Variants in TUB observed in about 807,000 individuals in gnomAD.
TUB encodes TUB bipartite transcription factor.
In TUB, 33 loss-of-function variants were observed where a neutral mutation model predicts 59.7. That is an observed-to-expected ratio of 0.55 (90% confidence interval 0.42 to 0.74). The LOEUF is 0.74. Ranked by LOEUF, TUB falls within the 30% of genes least tolerant of loss-of-function variation. The pLI, the probability that TUB is intolerant of heterozygous loss-of-function variation, is 0.00. For missense variants in TUB, 659 were observed against 672.0 expected (o/e 0.98, Z 0.21); for synonymous variants, 293 against 256.4 (o/e 1.14, Z -1.36).
intron 3 of TUB, among the ~76,000 whole-genome samples, chr11:8,091,455 A>T (rs1943774153): frequency 6.6e-6 from 1 of 152,182 alleles, no homozygotes; most frequent in South Asian, 2.1e-4. Context: ...TCCTCACAGG[A>T]ACTCATTATC....
In TUB at chr11:8,101,858, C is replaced by A; in HGVS notation, c.*239C>A. 3.5e-5 allele frequency: 17 copies of A among 479,162 alleles called. No homozygotes were observed. Among genetic ancestry groups the A allele is most frequent in the South Asian group, 1.1e-4 (3 of 26,984 alleles). The allele number at this position is 479,162 out of a possible 1,614,324, so 29.7% of individuals were successfully genotyped here. A position where few individuals can be genotyped will look rare whatever the true frequency, so the allele number is the denominator to read the frequency against. On this transcript the variant is annotated 3_prime_UTR_variant, in exon 12 of 12. Transcript: ENST00000299506. Reference sequence around the variant, plus strand: ...GGGATGAGAATAATTCTTTCCATGCCACGAGATCAACACACACTCCCACCC... The same window carrying A: ...GGGATGAGAATAATTCTTTCCATGCAACGAGATCAACACACACTCCCACCC...
chr11:8,049,578 TATAG>T (rs1554923442), intron 2 of TUB, among the ~76,000 whole-genome samples: 3,320 of 85,806 alleles, frequency 0.039, 96 homozygotes, highest in South Asian at 0.077. Context: ...TATATATATA[TATAG>T]ATAGATAGAT....
chr11:8,098,654 C>G (rs988671351), intron 8 of TUB, 104 bp from the exon 9 acceptor site: 25 of 826,050 alleles, frequency 3.0e-5, no homozygotes, highest in Non-Finnish European at 5.0e-5. Flanking sequence ...GCTCCTGTTC[C>G]AGCCCAGAAT....
chr11:8,073,533 CTT>C (rs1458776349), intron 2 of TUB, among the ~76,000 whole-genome samples: 4 of 152,322 alleles, frequency 2.6e-5, no homozygotes, highest in Non-Finnish European at 5.9e-5. Context: ...GGAAATGGCT[CTT>C]GTTTGACAAA....
At chr11:8,057,278 G>A (rs1299532109) in intron 2 of TUB, among the ~76,000 whole-genome samples, 4 of 152,166 alleles carry the variant, frequency 2.6e-5, no homozygotes, top group Non-Finnish European at 4.4e-5. Context: ...ACAGTTACTC[G>A]CGCCTGTAAT....
At chr11:8,095,716 T>G in intron 5 of TUB, 51 bp downstream of exon 5, 637 of 1,530,810 alleles carry the variant, frequency 4.2e-4, no homozygotes, top group Non-Finnish European at 5.2e-4. Context: ...TCCCAGGTTC[T>G]CAGATGCACC....
At chr11:8,054,151 T>G (rs188557378) in intron 2 of TUB, among the ~76,000 whole-genome samples, 2 of 152,134 alleles carry the variant, frequency 1.3e-5, no homozygotes, top group Non-Finnish European at 2.9e-5. Flanking sequence ...TGTCCCAAAA[T>G]TCATCTTGGT....
chr11:8,091,077 CCTT>C (rs1466864447), intron 3 of TUB, among the ~76,000 whole-genome samples: 1 of 152,148 alleles, frequency 6.6e-6, no homozygotes, highest in Non-Finnish European at 1.5e-5. Flanking sequence ...GTGCTCCCCT[CCTT>C]CTGTGGCTTC....
At chr11:8,080,952 A>G (rs1181759444), upstream of TUB, among the ~76,000 whole-genome samples, 3 of 152,220 alleles carry the variant, frequency 2.0e-5, no homozygotes, top group Non-Finnish European at 4.4e-5. Flanking sequence ...GCAGGTACAC[A>G]GGGAGGTGTT....
At chr11:8,079,647 C>T (rs1235281660), upstream of TUB, among the ~76,000 whole-genome samples, 1 of 146,130 alleles carries the variant, frequency 6.8e-6, no homozygotes, top group South Asian at 2.3e-4. Flanking sequence ...AGAGAGAGGC[C>T]ATGTGTGTGT....
At chr11:8,076,574 G>A (rs1203324784), upstream of TUB, 1 of 152,176 alleles carries the variant, frequency 6.6e-6, no homozygotes, top group African/African-American at 2.4e-5. Context: ...GGAGCCCCAA[G>A]TGGATCCTAG....
intron 2 of TUB, among the ~76,000 whole-genome samples, chr11:8,075,075 A>G (rs1943428195): frequency 6.6e-6 from 1 of 150,554 alleles, no homozygotes; most frequent in East Asian, 1.9e-4. Context: ...AAAATTCCCC[A>G]TAAAGGATGC....
At position 8,096,785 on chromosome 11, in the gene TUB, T is replaced by G; in HGVS notation, c.666T>G (p.Ala222=). 6.2e-7 allele frequency: 1 copy of G among 1,614,172 alleles called. No individual in the cohort carries two copies. The highest frequency in any genetic ancestry group is 8.5e-7 in the Non-Finnish European group (1 of 1,180,000). The change falls in exon 6 of 12, where the codon GCT becomes GCG. Residue 222 remains alanine (A), a synonymous_variant. Coordinates refer to ENST00000299506, the MANE Select transcript of TUB (RefSeq NM_177972.3). The part of the protein sequence containing the change: ...QLNSNTRPSS[A]TSRKSVREAA... ...ATAGTAACACCCGCCCCAGCTCTGC[T>G]ACTAGCAGGAAGTCCGTCAGGGTGA...
intron 2 of TUB, among the ~76,000 whole-genome samples, chr11:8,045,073 T>C (rs2133741505): frequency 6.6e-6 from 1 of 152,258 alleles, no homozygotes; most frequent in Admixed American, 6.5e-5. Context: ...GTGAGTGAAC[T>C]CAATCTCTAG....
intron 2 of TUB, among the ~76,000 whole-genome samples, chr11:8,064,733 A>C (rs919206248): frequency 6.6e-6 from 1 of 152,208 alleles, no homozygotes. Context: ...ACTAGGTGCC[A>C]TGGCTGTTGC....
chr11:8,056,306 T>A (rs1564904889), intron 2 of TUB, among the ~76,000 whole-genome samples: 1 of 152,098 alleles, frequency 6.6e-6, no homozygotes, highest in Non-Finnish European at 1.5e-5. Context: ...TCTCCTGTCC[T>A]GGAATGTGCG....
chr11:8,081,262 C>T lies in TUB; in HGVS notation c.-249C>T. On this transcript the variant is annotated 5_prime_UTR_variant, in exon 1 of 12. Coordinates refer to ENST00000299506, the MANE Select transcript of TUB (RefSeq NM_177972.3). ...CGGGACGGTGCGGTCGGCCTCCCCGCCTCCACGCGCGCGCACGACCCGCGC... is the reference window on the plus strand; with the variant it reads ...CGGGACGGTGCGGTCGGCCTCCCCGTCTCCACGCGCGCGCACGACCCGCGC... 1.6e-6 allele frequency: 1 copy of T among 608,956 alleles called. No homozygotes were observed. Among genetic ancestry groups the T allele is most frequent in the Non-Finnish European group, 2.1e-6 (1 of 486,086 alleles). The allele number at this position is 608,956 out of a possible 1,614,324, so 37.7% of individuals were successfully genotyped here. A position where few individuals can be genotyped will look rare whatever the true frequency, so the allele number is the denominator to read the frequency against.
chr11:8,029,590 A>G (rs541036670), intron 1 of TUB, among the ~76,000 whole-genome samples: 88 of 151,914 alleles, frequency 5.8e-4, no homozygotes, highest in Non-Finnish European at 1.1e-3. Flanking sequence ...GTTTTCACCA[A>G]TTTGGTCAGG....
upstream of TUB, chr11:8,035,665 A>G (rs1465589935): frequency 2.6e-5 from 4 of 152,324 alleles, no homozygotes. Flanking sequence ...AACTGCTGTG[A>G]TAACTGGAGG....
Sources: allele counts gnomAD v4.1 joint callset (sites outside exome capture counted in the v4.1 genomes callset), GRCh38; gene constraint gnomAD v4.1.1; transcripts MANE v1.5; gene names NCBI Gene and HGNC (gene_info 2026-07-23, HGNC 2026-07-21).